AGAP1: variants seen among roughly 807,000 people sequenced by gnomAD.
AGAP1 encodes ArfGAP with GTPase domain, ankyrin repeat and PH domain 1.
AGAP1 carries 29 observed loss-of-function variants against 105.3 expected under a neutral mutation model. The ratio of observed to expected loss-of-function variants is 0.28; its 90% CI spans 0.21 to 0.38. AGAP1 has a LOEUF of 0.38. Among genes scored for constraint, AGAP1 ranks in the 10% least tolerant of loss-of-function variants. AGAP1 has a pLI of 1.00. For missense variants in AGAP1, 998 were observed against 1,165.1 expected (o/e 0.86, Z 2.09); for synonymous variants, 509 against 485.9 (o/e 1.05, Z -0.63).
rs376165000 is a variant in AGAP1 at position 235,624,113 on chromosome 2, CA to C, written c.164-85065del. ...TGAGACTTTGTGAAAGGAAACTTCTCACCATTAAATGTACATTTTATCTTAA... is the reference window on the plus strand; with the variant it reads ...TGAGACTTTGTGAAAGGAAACTTCTCCCATTAAATGTACATTTTATCTTAA... On this transcript the variant is annotated intron_variant, in intron 1 of 17. Transcript: ENST00000304032. 5.2e-3 allele frequency among the ~76,000 whole-genome samples: 792 copies of C among 152,356 alleles called. 3 individuals are homozygous for C. Among genetic ancestry groups the C allele is most frequent in the Middle Eastern group, 0.014 (4 of 294 alleles).
At chr2:235,969,116 C>T (rs1475743214) in intron 13 of AGAP1, among the ~76,000 whole-genome samples, 1 of 152,232 alleles carries the variant, frequency 6.6e-6, no homozygotes, top group Non-Finnish European at 1.5e-5. Flanking sequence ...TCCATCAGCT[C>T]TTTCTGGTAT....
In AGAP1 at chr2:235,589,194, G is replaced by GTTTTTTTTTTTT. The variant is rs928149334; in HGVS notation, c.163+94362_163+94373dup. Among the ~76,000 whole-genome samples the GTTTTTTTTTTTT allele has an allele frequency of 2.2e-4, 13 of 59,608 alleles. 1 individual carries two copies. The highest frequency in any genetic ancestry group is 4.5e-4 in the Admixed American group (2 of 4,460). The allele number at this position is 59,608 out of a possible 152,430, so 39.1% of individuals were successfully genotyped here. A position where few individuals can be genotyped will look rare whatever the true frequency, so the allele number is the denominator to read the frequency against. ...CTACCAGTTAATAGCTTATTGTTTT[G>GTTTTTTTTTTTT]TTTTTTTTTTTTTTTTTTTTTTTTT... is the stretch of plus-strand genomic sequence containing the variant. On this transcript the variant is annotated intron_variant, in intron 1 of 17. Transcript: ENST00000304032.
chr2:236,062,305 C>T lies in AGAP1; in HGVS notation c.2114+13024C>T, dbSNP rs944456687. On this transcript the variant is annotated intron_variant, in intron 16 of 17. Coordinates refer to ENST00000304032, the MANE Select transcript of AGAP1 (RefSeq NM_001037131.3). The surrounding 1 kb of genome is among the most constrained non-coding windows in gnomAD (Gnocchi z 4.2). ...AAACTCAGGCCTGTGTCTCCCTGAG[C>T]CTGTGAATGCAGGACGGGCCAGAAC... Among the ~76,000 whole-genome samples, 1 of 152,076 alleles carries T rather than the reference C, an allele frequency of 6.6e-6. No individual in the cohort carries two copies. Among genetic ancestry groups the T allele is most frequent in the Non-Finnish European group, 1.5e-5 (1 of 68,014 alleles).
rs776779507 is a variant in AGAP1, at chr2:235,608,029, G to A, written c.164-101150G>A. 6.6e-6 allele frequency among the ~76,000 whole-genome samples: 1 copy of A among 152,206 alleles called. No individual in the cohort carries two copies. The highest frequency in any genetic ancestry group is 1.5e-5 in the Non-Finnish European group (1 of 68,038). On this transcript the variant is annotated intron_variant, in intron 1 of 17. Coordinates refer to ENST00000304032, the MANE Select transcript of AGAP1 (RefSeq NM_001037131.3). The surrounding 1 kb of genome is among the most constrained non-coding windows in gnomAD (Gnocchi z 5.4). ...CTGTCTCAGACATGAGGTGGATGCT[G>A]AAGAGATTACCCCTGACTTCATAGT...
intron 1 of AGAP1, among the ~76,000 whole-genome samples, chr2:235,661,836 A>G (rs1407306969): frequency 6.6e-6 from 1 of 152,160 alleles, no homozygotes; most frequent in Non-Finnish European, 1.5e-5. Context: ...TGATACAGTG[A>G]TGTCCCTTGG....
rs959362478 is a variant in AGAP1 at position 235,951,695 on chromosome 2, C to A, written c.1484-16767C>A. Among the ~76,000 whole-genome samples, 2 of 152,186 alleles carry A rather than the reference C, an allele frequency of 1.3e-5. No individual in the cohort carries two copies. Among genetic ancestry groups the A allele is most frequent in the African/African-American group, 4.8e-5 (2 of 41,448 alleles). ...TTCTCACTGATTCATTCTCGGGAAT[C>A]GCTTGTTGTCTGTTGGTACAAAATA... On this transcript the variant is annotated intron_variant, in intron 12 of 17. Transcript: ENST00000304032. The surrounding 1 kb of genome is among the most constrained non-coding windows in gnomAD (Gnocchi z 4.2).
intron 6 of AGAP1, among the ~76,000 whole-genome samples, chr2:235,759,313 C>G (rs1021173620): frequency 3.3e-5 from 5 of 152,048 alleles, no homozygotes; most frequent in Admixed American, 1.3e-4. Flanking sequence ...GGACTACAGG[C>G]GCCTGCCACC....
At chr2:235,775,945 G>A (rs966937107) in intron 6 of AGAP1, among the ~76,000 whole-genome samples, 3 of 152,164 alleles carry the variant, frequency 2.0e-5, no homozygotes, top group Non-Finnish European at 4.4e-5. Flanking sequence ...TTCCGTGCCT[G>A]GGATTGCCTT....
intron 9 of AGAP1, among the ~76,000 whole-genome samples, chr2:235,829,210 C>A (rs2106332579): frequency 6.6e-6 from 1 of 152,296 alleles, no homozygotes; most frequent in Non-Finnish European, 1.5e-5. Flanking sequence ...ATCCCCTGGC[C>A]CCTGGCCTTG....
In AGAP1 at chr2:235,977,855, C is replaced by T. The variant is rs1200873441; in HGVS notation, c.1645+9232C>T. Among the ~76,000 whole-genome samples the T allele has an allele frequency of 6.6e-6, 1 of 152,156 alleles. No homozygotes were observed. Among genetic ancestry groups the T allele is most frequent in the African/African-American group, 2.4e-5 (1 of 41,442 alleles). ...CACCTACCGTTTGTCTTAGCTCAGCCTGCCATATCAAAATGCCACAGACTG... is the reference window on the plus strand; with the variant it reads ...CACCTACCGTTTGTCTTAGCTCAGCTTGCCATATCAAAATGCCACAGACTG... On this transcript the variant is annotated intron_variant, in intron 13 of 17. Coordinates refer to ENST00000304032, the MANE Select transcript of AGAP1 (RefSeq NM_001037131.3). The surrounding 1 kb of genome is among the most constrained non-coding windows in gnomAD (Gnocchi z 5.2).
chr2:235,816,590 A>G (rs1055230457), intron 9 of AGAP1, among the ~76,000 whole-genome samples: 1 of 151,932 alleles, frequency 6.6e-6, no homozygotes, highest in African/African-American at 2.4e-5. Flanking sequence ...CAAACACTAC[A>G]TAGAAACAGA....
intron 1 of AGAP1, among the ~76,000 whole-genome samples, chr2:235,572,802 C>G (rs1944573276): frequency 6.6e-6 from 1 of 152,200 alleles, no homozygotes; most frequent in Non-Finnish European, 1.5e-5. Flanking sequence ...CTACTGTGTG[C>G]TCAGCGTGTG....
Position 235,830,759 on chromosome 2 carries a change from T to C in AGAP1, c.1050+23428T>C, listed in dbSNP as rs1959252010. The stretch of plus-strand genomic sequence containing the variant: ...AGGTGGAAAATGCATTTATAAGATA[T>C]TTCTTCCTCGGAATTTTTAAGTGAT... On this transcript the variant is annotated intron_variant, in intron 9 of 17. Coordinates refer to ENST00000304032, the MANE Select transcript of AGAP1 (RefSeq NM_001037131.3). The surrounding 1 kb of genome is among the most constrained non-coding windows in gnomAD (Gnocchi z 5.5). 6.6e-6 allele frequency among the ~76,000 whole-genome samples: 1 copy of C among 152,196 alleles called. No homozygotes were observed.
rs1328836439 is a variant in AGAP1, at chr2:235,720,817, C to T, written c.310+3173C>T. 1.3e-5 allele frequency: 8 copies of T among 636,118 alleles called. No individual in the cohort carries two copies. The South Asian group carries it at 3.5e-4, about 28-fold the overall frequency. The allele number at this position is 636,118 out of a possible 1,614,324, so 39.4% of individuals were successfully genotyped here. A position where few individuals can be genotyped will look rare whatever the true frequency, so the allele number is the denominator to read the frequency against. On this transcript the variant is annotated intron_variant, in intron 3 of 17. Transcript: ENST00000304032. This position sits in a 1 kb window ranked among gnomAD's most constrained non-coding sequence, Gnocchi z 5.0. ...TCCTGTCTTCAGGGGAGAGCTCTCTCGTGGTAGAAACATTTCTGGTGCAGA... is the reference window on the plus strand; with the variant it reads ...TCCTGTCTTCAGGGGAGAGCTCTCTTGTGGTAGAAACATTTCTGGTGCAGA...
chr2:236,042,304 G>C lies in AGAP1; in HGVS notation c.1891+1463G>C, dbSNP rs1338732872. 6.6e-6 allele frequency among the ~76,000 whole-genome samples: 1 copy of C among 152,160 alleles called. No homozygotes were observed. Among genetic ancestry groups the C allele is most frequent in the Non-Finnish European group, 1.5e-5 (1 of 68,030 alleles). ...AAGAGTCCACTCAGCAGCATAGCAG[G>C]CAGGGGAGAGATCAAAAGTCTGTCT... is the stretch of plus-strand genomic sequence containing the variant. On this transcript the variant is annotated intron_variant, in intron 15 of 17. Coordinates refer to ENST00000304032, the MANE Select transcript of AGAP1 (RefSeq NM_001037131.3). The surrounding 1 kb of genome is among the most constrained non-coding windows in gnomAD (Gnocchi z 5.6).
intron 12 of AGAP1, among the ~76,000 whole-genome samples, chr2:235,945,687 C>T (rs978859797): frequency 5.9e-5 from 9 of 151,884 alleles, no homozygotes; most frequent in Non-Finnish European, 5.9e-5. Flanking sequence ...GGAGTGGGTA[C>T]CTGTATGAAT....
chr2:235,743,128 C>T (rs990443950), intron 4 of AGAP1, among the ~76,000 whole-genome samples: 2 of 152,248 alleles, frequency 1.3e-5, no homozygotes, highest in African/African-American at 2.4e-5. Flanking sequence ...GATCTCACCA[C>T]TGCACTCCAG....
At chr2:236,106,380 G>A (rs895296053) in intron 16 of AGAP1, among the ~76,000 whole-genome samples, 1 of 152,240 alleles carries the variant, frequency 6.6e-6, no homozygotes, top group African/African-American at 2.4e-5. Context: ...AAGGAGGGTT[G>A]ATGTGCAGGC....
rs900875101 is a variant in AGAP1, at chr2:235,988,975, C to T, written c.1645+20352C>T. Among the ~76,000 whole-genome samples, 12 of 152,124 alleles carry T rather than the reference C, an allele frequency of 7.9e-5. No homozygotes were observed. Among genetic ancestry groups the T allele is most frequent in the African/African-American group, 2.4e-4 (10 of 41,424 alleles). On this transcript the variant is annotated intron_variant, in intron 13 of 17. Transcript: ENST00000304032. This position sits in a 1 kb window ranked among gnomAD's most constrained non-coding sequence, Gnocchi z 4.7. ...TCGTTGAGTTTTAGTTTAGGTCTTCCGAGGAATGCACAGACCACACGTTGT... is the reference window on the plus strand; with the variant it reads ...TCGTTGAGTTTTAGTTTAGGTCTTCTGAGGAATGCACAGACCACACGTTGT...
Sources: allele counts gnomAD v4.1 joint callset (sites outside exome capture counted in the v4.1 genomes callset), GRCh38; gene constraint gnomAD v4.1.1; non-coding constraint Gnocchi (gnomAD v3.1); transcripts MANE v1.5; gene names NCBI Gene and HGNC (gene_info 2026-07-23, HGNC 2026-07-21).